The following ST3GAL4 variants were observed in gnomAD, a reference collection of about 807,000 sequenced individuals.
ST3GAL4 encodes the protein ST3 beta-galactoside alpha-2,3-sialyltransferase 4.
In ST3GAL4, 24 loss-of-function variants were observed where a neutral mutation model predicts 42.6. That is an observed-to-expected ratio of 0.56 (90% CI 0.41 to 0.79). ST3GAL4 has a LOEUF of 0.79. ST3GAL4 is among the 30% of genes least tolerant of loss of function. ST3GAL4 has a pLI of 0.00. For missense variants in ST3GAL4, 311 were observed against 430.8 expected, an observed-to-expected ratio of 0.72 and a Z score of 2.46; for synonymous variants, 135 against 163.2, an observed-to-expected ratio of 0.83 and a Z score of 1.32.
Position 126,378,609 on chromosome 11 carries a change from G to A in ST3GAL4, c.-61+22767G>A, listed in dbSNP as rs575966572. On this transcript the variant is annotated intron_variant, in intron 1 of 10. Coordinates refer to ENST00000444328, the MANE Select transcript of ST3GAL4 (RefSeq NM_001254757.2). The surrounding 1 kb of genome is among the most constrained non-coding windows in gnomAD (Gnocchi z 5.3). The stretch of plus-strand genomic sequence containing the variant: ...TTTTTAGTAGAGACAGGGTTTCACC[G>A]TGTTAGCCAGGATGGTCTCGATCTC... 2.0e-4 allele frequency among the ~76,000 whole-genome samples: 30 copies of A among 152,078 alleles called. No homozygotes were observed. The highest frequency in any genetic ancestry group is 6.3e-4 in the African/African-American group (26 of 41,420).
chr11:126,390,540 C>T (rs746915357), intron 1 of ST3GAL4, among the ~76,000 whole-genome samples: 23 of 150,910 alleles, frequency 1.5e-4, no homozygotes, highest in Admixed American at 1.4e-3. Flanking sequence ...TCCCTGGTCA[C>T]GAGTGAGCCT....
chr11:126,362,455 C>A (rs1359230126), intron 1 of ST3GAL4, among the ~76,000 whole-genome samples: 1 of 152,178 alleles, frequency 6.6e-6, no homozygotes, highest in Admixed American at 6.5e-5. Flanking sequence ...CCTGCCTCGG[C>A]CTCCCAAAGT....
intron 1 of ST3GAL4, among the ~76,000 whole-genome samples, chr11:126,389,554 A>G (rs1953388011): frequency 6.6e-6 from 1 of 152,110 alleles, no homozygotes. Flanking sequence ...ACCTTTAAAC[A>G]TAAGTTTTTA....
rs1952307316 is a variant in ST3GAL4, at chr11:126,363,222, GCTC to G, written c.-61+7381_-61+7383del. Among the ~76,000 whole-genome samples, 1 of 152,220 alleles carries G rather than the reference GCTC, an allele frequency of 6.6e-6. No homozygotes were observed. The highest frequency in any genetic ancestry group is 1.5e-5 in the Non-Finnish European group (1 of 68,048). On this transcript the variant is annotated intron_variant, in intron 1 of 10. Coordinates refer to ENST00000444328, the MANE Select transcript of ST3GAL4 (RefSeq NM_001254757.2). This position sits in a 1 kb window ranked among gnomAD's most constrained non-coding sequence, Gnocchi z 4.6. ...TCCTTCCTGTCCCTGTTTGAGCCGT[GCTC>G]TTCTTCTTCAATCCCTTTCTGTCTG...
chr11:126,399,587 G>A (rs753925566), intron 1 of ST3GAL4, among the ~76,000 whole-genome samples: 32 of 151,988 alleles, frequency 2.1e-4, no homozygotes, highest in Non-Finnish European at 1.3e-4. Flanking sequence ...GATTACAGAC[G>A]TGAGCTACTG....
chr11:126,386,163 C>G lies in ST3GAL4; in HGVS notation c.-60-19933C>G, dbSNP rs988150183. Among the ~76,000 whole-genome samples, 5 of 152,200 alleles carry G rather than the reference C, an allele frequency of 3.3e-5. No individual in the cohort carries two copies. The highest frequency in any genetic ancestry group is 1.2e-4 in the African/African-American group (5 of 41,446). ...TAGCCGGCTCCTCAGAGACATGGTT[C>G]TATCCCCCCAGTGGCCAAGGGCTGG... On this transcript the variant is annotated intron_variant, in intron 1 of 10. Transcript: ENST00000444328. This position sits in a 1 kb window ranked among gnomAD's most constrained non-coding sequence, Gnocchi z 4.7.
At chr11:126,374,684 T>G (rs1191760479) in intron 1 of ST3GAL4, among the ~76,000 whole-genome samples, 1 of 152,152 alleles carries the variant, frequency 6.6e-6, no homozygotes, top group African/African-American at 2.4e-5. Context: ...GTAGAGCACG[T>G]GTGTCTCTGT....
chr11:126,394,007 A>G (rs1425826753), intron 1 of ST3GAL4, among the ~76,000 whole-genome samples: 1 of 152,210 alleles, frequency 6.6e-6, no homozygotes, highest in Non-Finnish European at 1.5e-5. Context: ...GTCAGTGTGG[A>G]CTGGCCCCAT....
Position 126,366,805 on chromosome 11 carries a change from T to A in ST3GAL4, c.-61+10963T>A, listed in dbSNP as rs1952446514. ...AGTGCAAGGTCTGCCGAGTGAGGGT[T>A]CCTTCCGGGAGGAGGCAGGGTGAGC... is the stretch of plus-strand genomic sequence containing the variant. On this transcript the variant is annotated intron_variant, in intron 1 of 10. Transcript: ENST00000444328. The surrounding 1 kb of genome is among the most constrained non-coding windows in gnomAD (Gnocchi z 4.2). 6.6e-6 allele frequency among the ~76,000 whole-genome samples: 1 copy of A among 152,126 alleles called. No individual in the cohort carries two copies. Among genetic ancestry groups the A allele is most frequent in the Non-Finnish European group, 1.5e-5 (1 of 68,022 alleles).
chr11:126,406,647 A>T lies in ST3GAL4; in HGVS notation c.101+90A>T, dbSNP rs1190825732. ...CATGGAGCGGGGGACCTAGTAGGGC[A>T]GGAAGGTTCCAAGAGCCGGCACATG... On this transcript the variant is annotated intron_variant, in intron 3 of 10. Transcript: ENST00000444328. The surrounding 1 kb of genome is among the most constrained non-coding windows in gnomAD (Gnocchi z 5.4). 2 of 1,465,640 alleles carry T rather than the reference A, an allele frequency of 1.4e-6. No individual in the cohort carries two copies. The highest frequency in any genetic ancestry group is 1.9e-4 in the Middle Eastern group (1 of 5,362). The allele number at this position is 1,465,640 out of a possible 1,614,324, so 90.8% of individuals were successfully genotyped here.
chr11:126,392,070 GA>G lies in ST3GAL4; in HGVS notation c.-60-14025del, dbSNP rs1239291011. 1 of 152,232 alleles carries G rather than the reference GA, an allele frequency of 6.6e-6. No homozygotes were observed. The highest frequency in any genetic ancestry group is 1.5e-5 in the Non-Finnish European group (1 of 68,092). The allele number at this position is 152,232 out of a possible 1,614,324, so 9.4% of individuals were successfully genotyped here. On this transcript the variant is annotated intron_variant, in intron 1 of 10. Transcript: ENST00000444328. This position sits in a 1 kb window ranked among gnomAD's most constrained non-coding sequence, Gnocchi z 5.8. Reference sequence around the variant, plus strand: ...ACAAATGAGGAATCTGAGGCTTTGAGATTGTCAAGGTCACCTGACCAGTGAC... The same window carrying G: ...ACAAATGAGGAATCTGAGGCTTTGAGTTGTCAAGGTCACCTGACCAGTGAC...
intron 1 of ST3GAL4, among the ~76,000 whole-genome samples, chr11:126,389,123 C>T (rs375040198): frequency 6.6e-6 from 1 of 152,168 alleles, no homozygotes; most frequent in African/African-American, 2.4e-5. Context: ...CTACTCCTCC[C>T]TCTCTCTCTT....
In ST3GAL4 at chr11:126,386,802, T is replaced by C. The variant is rs1404708112; in HGVS notation, c.-60-19294T>C. Among the ~76,000 whole-genome samples, 1 of 152,196 alleles carries C rather than the reference T, an allele frequency of 6.6e-6. No homozygotes were observed. The highest frequency in any genetic ancestry group is 1.9e-4 in the East Asian group (1 of 5,192). The stretch of plus-strand genomic sequence containing the variant: ...ATCCAGATCTTTGCACTGCGCTGTT[T>C]TGACTTGGAGAGGAGAGGAGGAAGT... On this transcript the variant is annotated intron_variant, in intron 1 of 10. Transcript: ENST00000444328. This position sits in a 1 kb window ranked among gnomAD's most constrained non-coding sequence, Gnocchi z 4.7.
At chr11:126,394,664 A>C (rs1252326060) in intron 1 of ST3GAL4, among the ~76,000 whole-genome samples, 1 of 152,032 alleles carries the variant, frequency 6.6e-6, no homozygotes, top group Non-Finnish European at 1.5e-5. Flanking sequence ...AGCTCAAGCA[A>C]TCTGCCCTCC....
chr11:126,413,559 G>GTGCAT lies in ST3GAL4; in HGVS notation c.830_831insTTGCA (p.Ile278CysfsTer107). The GTGCAT allele has an allele frequency of 6.2e-7, 1 of 1,614,252 alleles. No individual in the cohort carries two copies. Among genetic ancestry groups the GTGCAT allele is most frequent in the Non-Finnish European group, 8.5e-7 (1 of 1,180,054 alleles). ...GCTGGCCCTCCACCTCTGTGACTTG[G>GTGCAT]TGCACATTGCCGGCTTTGGCTACCC... is the stretch of plus-strand genomic sequence containing the variant. On this transcript the variant is annotated frameshift_variant, in exon 10 of 11. Transcript: ENST00000444328. LOFTEE classifies it high-confidence loss of function.
At position 126,376,556 on chromosome 11, in the gene ST3GAL4, A is replaced by G. The variant is rs1952838696; in HGVS notation, c.-61+20714A>G. ...CTGAAGTTTTATTTGTGTCAAACAG[A>G]AGCATTTACCATAAATAACCCCAGT... On this transcript the variant is annotated intron_variant, in intron 1 of 10. Transcript: ENST00000444328. This position sits in a 1 kb window ranked among gnomAD's most constrained non-coding sequence, Gnocchi z 5.1. Among the ~76,000 whole-genome samples the G allele has an allele frequency of 6.6e-6, 1 of 152,366 alleles. No individual in the cohort carries two copies. The highest frequency in any genetic ancestry group is 1.9e-4 in the East Asian group (1 of 5,192).
At chr11:126,360,413 TTTTG>T (rs957105623) in intron 1 of ST3GAL4, among the ~76,000 whole-genome samples, 13 of 152,088 alleles carry the variant, frequency 8.5e-5, no homozygotes, top group South Asian at 6.2e-4. Flanking sequence ...CCAGGCTGGT[TTTTG>T]TTTGTTTGTT....
Position 126,386,175 on chromosome 11 carries a change from T to C in ST3GAL4, c.-60-19921T>C, listed in dbSNP as rs2082989220. 6.6e-6 allele frequency among the ~76,000 whole-genome samples: 1 copy of C among 152,160 alleles called. No homozygotes were observed. The highest frequency in any genetic ancestry group is 2.4e-5 in the African/African-American group (1 of 41,448). ...CAGAGACATGGTTCTATCCCCCCAG[T>C]GGCCAAGGGCTGGTGGCCCTCACTC... On this transcript the variant is annotated intron_variant, in intron 1 of 10. Coordinates refer to ENST00000444328, the MANE Select transcript of ST3GAL4 (RefSeq NM_001254757.2). This position sits in a 1 kb window ranked among gnomAD's most constrained non-coding sequence, Gnocchi z 4.7.
rs556419683 is a variant in ST3GAL4, at chr11:126,384,429, G to A, written c.-60-21667G>A. On this transcript the variant is annotated intron_variant, in intron 1 of 10. Coordinates refer to ENST00000444328, the MANE Select transcript of ST3GAL4 (RefSeq NM_001254757.2). The surrounding 1 kb of genome is among the most constrained non-coding windows in gnomAD (Gnocchi z 5.5). ...CGTTGCCTTTGCTGTCCCTGCTTGGGGATTTTGGGGTACTGGGTTTGGATA... is the reference window on the plus strand; with the variant it reads ...CGTTGCCTTTGCTGTCCCTGCTTGGAGATTTTGGGGTACTGGGTTTGGATA... Among the ~76,000 whole-genome samples, 17 of 152,162 alleles carry A rather than the reference G, an allele frequency of 1.1e-4. No individual in the cohort carries two copies. The South Asian group carries it at 3.1e-3, about 28-fold the overall frequency.
Sources: gnomAD v4.1 joint callset for allele counts (sites outside exome capture counted in the v4.1 genomes callset) on GRCh38, gnomAD v4.1.1 for gene constraint, Gnocchi (gnomAD v3.1) non-coding constraint, MANE v1.5 for transcripts, NCBI Gene and HGNC (gene_info 2026-07-23, HGNC 2026-07-21) for gene names.